Variants in TMCO5A observed in about 807,000 individuals in gnomAD.
TMCO5A encodes transmembrane and coiled-coil domain-containing protein 5A.
Under a neutral mutation model 42.3 loss-of-function variants are expected in TMCO5A, and 34 were observed. The ratio of observed to expected loss-of-function variants is 0.80; its 90% CI spans 0.61 to 1.07. The LOEUF is 1.07. Ranked by LOEUF, TMCO5A falls within the 50% of genes least tolerant of loss-of-function variation. TMCO5A has a pLI of 0.00. For missense variants in TMCO5A, 357 were observed against 327.9 expected, an observed-to-expected ratio of 1.09 and a Z score of -0.69; for synonymous variants, 131 against 115.6, an observed-to-expected ratio of 1.13 and a Z score of -0.86.
chr15:38,031,553 G>A, the TMCO5A span, among the ~76,000 whole-genome samples: 130 of 152,328 alleles, frequency 8.5e-4, 1 homozygote, highest in Non-Finnish European at 2.9e-5. Flanking sequence ...CCCATGTGGT[G>A]AGGAAGCAAA....
chr15:38,023,701 T>C, the TMCO5A span, among the ~76,000 whole-genome samples: 8 of 152,178 alleles, frequency 5.3e-5, no homozygotes, highest in Admixed American at 1.3e-4. Flanking sequence ...AAGGTGACAA[T>C]TGGCAAAGCA....
At chr15:38,030,758 T>G in the TMCO5A span, among the ~76,000 whole-genome samples, 29 of 152,170 alleles carry the variant, frequency 1.9e-4, no homozygotes, top group Non-Finnish European at 3.4e-4. Flanking sequence ...GCCTTTCTCT[T>G]TCTCACTTCT....
At chr15:37,961,448 A>G (rs1226626920) in intron 11 of TMCO5A, among the ~76,000 whole-genome samples, 2 of 151,958 alleles carry the variant, frequency 1.3e-5, no homozygotes, top group Admixed American at 6.6e-5. Flanking sequence ...CTATGGCCTT[A>G]TAGATTTGTT....
chr15:37,999,400 A>G, the TMCO5A span, among the ~76,000 whole-genome samples: 24 of 152,196 alleles, frequency 1.6e-4, no homozygotes, highest in African/African-American at 5.5e-4. Context: ...ACCTTTAATG[A>G]ATATGTTTTA....
At chr15:37,996,292 T>C in the TMCO5A span, among the ~76,000 whole-genome samples, 2 of 152,148 alleles carry the variant, frequency 1.3e-5, no homozygotes, top group South Asian at 2.1e-4. Flanking sequence ...AAGCTCCTCA[T>C]TGGGTTCTAA....
chr15:38,028,355 T>C, the TMCO5A span, among the ~76,000 whole-genome samples: 4 of 152,208 alleles, frequency 2.6e-5, no homozygotes, highest in South Asian at 2.1e-4. Context: ...ACCAGTTTCA[T>C]AGGAAACAGA....
chr15:37,949,263 A>T (rs1229556639), intron 11 of TMCO5A, among the ~76,000 whole-genome samples: 2 of 152,164 alleles, frequency 1.3e-5, no homozygotes, highest in African/African-American at 4.8e-5. Context: ...TCAAAAAAGT[A>T]AGAATTGCCT....
intron 10 of TMCO5A, chr15:37,944,048 A>C (rs1889847757): frequency 6.6e-6 from 1 of 152,138 alleles, no homozygotes. Context: ...TTAATTTTGT[A>C]ATTTATATTG....
the TMCO5A span, among the ~76,000 whole-genome samples, chr15:37,973,308 G>C: frequency 3.9e-5 from 6 of 151,924 alleles, no homozygotes; most frequent in African/African-American, 1.4e-4. Context: ...ATTTTGAATA[G>C]TTTTTTATAA....
intron 11 of TMCO5A, among the ~76,000 whole-genome samples, chr15:37,960,243 C>T (rs1016117281): frequency 2.6e-5 from 4 of 151,854 alleles, no homozygotes; most frequent in Admixed American, 6.6e-5. Flanking sequence ...CCTTTGCGTC[C>T]TCATAGCTTA....
At chr15:38,000,620 T>C in the TMCO5A span, among the ~76,000 whole-genome samples, 1 of 152,134 alleles carries the variant, frequency 6.6e-6, no homozygotes, top group African/African-American at 2.4e-5. Flanking sequence ...TTATTTGAAG[T>C]TTTTCTACTT....
intron 6 of TMCO5A, among the ~76,000 whole-genome samples, chr15:37,939,107 G>A (rs929688412): frequency 2.0e-5 from 3 of 152,028 alleles, no homozygotes; most frequent in African/African-American, 7.2e-5. Context: ...CCATTAACTC[G>A]TCATTTGATT....
At chr15:37,964,646 A>T (rs553296511) in intron 11 of TMCO5A, among the ~76,000 whole-genome samples, 6 of 152,294 alleles carry the variant, frequency 3.9e-5, no homozygotes, top group African/African-American at 1.4e-4. Context: ...CTGAAAAAAA[A>T]TAAAAATAAT....
chr15:38,038,457 T>A, the TMCO5A span, among the ~76,000 whole-genome samples: 7 of 150,488 alleles, frequency 4.7e-5, no homozygotes, highest in Admixed American at 6.7e-5. Flanking sequence ...CAGGCTGGAG[T>A]GCAGTGGCTG....
chr15:37,990,843 T>C, the TMCO5A span, among the ~76,000 whole-genome samples: 778 of 152,180 alleles, frequency 5.1e-3, 7 homozygotes, highest in African/African-American at 0.017. Context: ...CCTCAAGTTA[T>C]AATATTCTCA....
chr15:38,036,500 A>T, the TMCO5A span, among the ~76,000 whole-genome samples: 768 of 72,236 alleles, frequency 0.011, 9 homozygotes, highest in African/African-American at 0.036. Flanking sequence ...TCTCTCTCAC[A>T]CACACACACA....
the TMCO5A span, among the ~76,000 whole-genome samples, chr15:37,978,814 C>T: frequency 9.4e-5 from 13 of 138,022 alleles, no homozygotes; most frequent in South Asian, 2.1e-4. Flanking sequence ...AATTGGGTCA[C>T]GGTTCGGCCG....
chr15:37,997,035 C>T, the TMCO5A span, among the ~76,000 whole-genome samples: 2 of 152,130 alleles, frequency 1.3e-5, no homozygotes, highest in Non-Finnish European at 2.9e-5. Context: ...ATTAGATTGG[C>T]TCATTTATCC....
chr15:37,951,051 CTTTTTCATCACCCTA>C lies in TMCO5A; in HGVS notation c.695_709del (p.Thr232_Ile236del), dbSNP rs767432765. On this transcript the variant is annotated inframe_deletion, in exon 12 of 12. Coordinates refer to ENST00000319669, the MANE Select transcript of TMCO5A (RefSeq NM_152453.4). ...CTCTTTTTAGGATTTTTTGCTGTCT[CTTTTTCATCACCCTA>C]TTTTTCATCAGACTGCTGAGCTACA... The C allele has an allele frequency of 5.6e-6, 9 of 1,611,702 alleles. No individual in the cohort carries two copies. In the Admixed American group the frequency reaches 1.2e-4, roughly 21 times the overall value.
Sources: allele counts gnomAD v4.1 joint callset (sites outside exome capture counted in the v4.1 genomes callset), GRCh38; gene constraint gnomAD v4.1.1; transcripts MANE v1.5; gene names NCBI Gene and HGNC (gene_info 2026-07-23, HGNC 2026-07-21).